Variants in SLC8B1 observed in about 807,000 individuals in gnomAD.
SLC8B1 encodes mitochondrial sodium/calcium exchanger protein.
A neutral mutation model predicts 63.4 loss-of-function variants in SLC8B1; 52 were observed. The ratio of observed to expected loss-of-function variants is 0.82; its 90% CI spans 0.66 to 1.03. SLC8B1 has a LOEUF of 1.03. SLC8B1 is among the 50% of genes least tolerant of loss of function. The pLI is 0.00. For missense variants in SLC8B1, 657 were observed against 741.7 expected (o/e 0.89, Z 1.33); for synonymous variants, 336 against 323.9 (o/e 1.04, Z -0.40).
chr12:113,316,642 G>A lies in SLC8B1; in HGVS notation c.877C>T (p.Pro293Ser). 2 of 1,613,724 alleles carry A rather than the reference G, an allele frequency of 1.2e-6. No homozygotes were observed. Among genetic ancestry groups the A allele is most frequent in the South Asian group, 1.1e-5 (1 of 91,048 alleles). ...NSYDYGDEYRPLFFYQETTAQ... is the reference protein window; with the variant it reads ...NSYDYGDEYRSLFFYQETTAQ... ...GTGGTCTCCTGGTAGAAGAACAGCG[G>A]CCGGTACTCATCACCTGTGTGCAGG... Residue 293 changes from proline (P) to serine (S), a missense_variant, in exon 10 of 16, where the codon CCG becomes TCG. Pro to Ser is a moderately conservative substitution (Grantham distance 74). Coordinates refer to ENST00000680972, the MANE Select transcript of SLC8B1 (RefSeq NM_001358345.2).
chr12:113,311,546 G>A (rs957411942), intron 11 of SLC8B1, among the ~76,000 whole-genome samples: 1 of 151,894 alleles, frequency 6.6e-6, no homozygotes, highest in Non-Finnish European at 1.5e-5. Flanking sequence ...CTTGAGTCCC[G>A]GGAGGTGGCG....
Position 113,321,079 on chromosome 12 carries a change from A to G in SLC8B1, c.339T>C (p.Ile113=). ...ACAACTTGGCTGCGGTGACTCCCAG[A>G]ATCAGAAACAGGTAGAGCAGCCAGG... ...YVSWLLYLFL[I]LGVTAAKFFC... The change falls in exon 4 of 16, where the codon ATT becomes ATC. Residue 113 remains isoleucine, a synonymous_variant. Transcript: ENST00000680972. The G allele has an allele frequency of 6.2e-7, 1 of 1,613,818 alleles. No homozygotes were observed. The highest frequency in any genetic ancestry group is 8.5e-7 in the Non-Finnish European group (1 of 1,179,882).
In SLC8B1 at chr12:113,320,504, GGGA is replaced by G; in HGVS notation, c.527-9_527-7del. The G allele has an allele frequency of 6.2e-7, 1 of 1,614,022 alleles. No homozygotes were observed. The highest frequency in any genetic ancestry group is 8.5e-7 in the Non-Finnish European group (1 of 1,180,008). On this transcript the variant is annotated splice_polypyrimidine_tract_variant and splice_region_variant and intron_variant, in intron 6 of 15. Coordinates refer to ENST00000680972, the MANE Select transcript of SLC8B1 (RefSeq NM_001358345.2). This position sits in a 1 kb window ranked among gnomAD's most constrained non-coding sequence, Gnocchi z 5.3. Reference sequence around the variant, plus strand: ...GGTAACCAGCACGCCAGCGCCTGGGGGGAGGAGGCCAGAGCTCAGCCACCCTGC... The same window carrying G: ...GGTAACCAGCACGCCAGCGCCTGGGGGGAGGCCAGAGCTCAGCCACCCTGC...
At chr12:113,319,162 C>A in intron 7 of SLC8B1, 91 bp from the exon 8 acceptor site, 1 of 973,020 alleles carries the variant, frequency 1.0e-6, no homozygotes, top group South Asian at 1.4e-5. Flanking sequence ...TGCGTGTTAG[C>A]GGTGGCAATC....
chr12:113,309,107 G>C (rs558895765), intron 12 of SLC8B1, among the ~76,000 whole-genome samples: 2 of 152,060 alleles, frequency 1.3e-5, no homozygotes, highest in Admixed American at 1.3e-4. Flanking sequence ...CACCCGTCTC[G>C]GCCTCTCAAA....
In SLC8B1 at chr12:113,307,110, C is replaced by CAAAA. The variant is rs67032040; in HGVS notation, c.1412-539_1412-536dup. Among the ~76,000 whole-genome samples, 92 of 18,210 alleles carry CAAAA rather than the reference C, an allele frequency of 5.1e-3. 30 individuals are homozygous for CAAAA. Among genetic ancestry groups the CAAAA allele is most frequent in the East Asian group, 0.019 (7 of 364 alleles). The allele number at this position is 18,210 out of a possible 152,430, so 11.9% of individuals were successfully genotyped here. The stretch of plus-strand genomic sequence containing the variant: ...TGGGCGACAGAGCAAGCCTCCATCT[C>CAAAA]AAAAAAAAAAAAAAAAAAAAAAAAA... On this transcript the variant is annotated intron_variant, in intron 13 of 15. Transcript: ENST00000680972.
In SLC8B1 at chr12:113,299,542, T is replaced by C; in HGVS notation, c.*235A>G. The C allele has an allele frequency of 1.9e-6, 1 of 533,174 alleles. No homozygotes were observed. The highest frequency in any genetic ancestry group is 3.4e-6 in the Non-Finnish European group (1 of 295,288). The allele number at this position is 533,174 out of a possible 1,614,324, so 33.0% of individuals were successfully genotyped here. A position where few individuals can be genotyped will look rare whatever the true frequency, so the allele number is the denominator to read the frequency against. ...CTTCTAGCTTCTCTCTGGAACCCTT[T>C]GTCCAGAGCAAAGCCAGGTTTCCAA... On this transcript the variant is annotated 3_prime_UTR_variant, in exon 16 of 16. Transcript: ENST00000680972.
chr12:113,318,061 G>A (rs1417036268), intron 8 of SLC8B1, among the ~76,000 whole-genome samples: 1 of 151,966 alleles, frequency 6.6e-6, no homozygotes, highest in African/African-American at 2.4e-5. Flanking sequence ...TGTATGTGTT[G>A]CATGTGTGCA....
chr12:113,331,554 C>T, intron 2 of SLC8B1, among the ~76,000 whole-genome samples: 1 of 152,104 alleles, frequency 6.6e-6, no homozygotes, highest in East Asian at 1.9e-4. Context: ...ATCTTTCTCC[C>T]ATGCTGGATG....
Position 113,316,628 on chromosome 12 carries a change from G to A in SLC8B1, c.891C>T (p.Tyr297=), listed in dbSNP as rs770619577. The A allele has an allele frequency of 6.2e-7, 1 of 1,614,040 alleles. No homozygotes were observed. The highest frequency in any genetic ancestry group is 1.7e-5 in the Admixed American group (1 of 60,030). The change falls in exon 10 of 16, where the codon TAC becomes TAT. Residue 297 remains tyrosine (Y), a synonymous_variant. Transcript: ENST00000680972. ...CCAGGATCTGAGCCGTGGTCTCCTG[G>A]TAGAAGAACAGCGGCCGGTACTCAT... is the stretch of plus-strand genomic sequence containing the variant. ...YGDEYRPLFF[Y]QETTAQILVR... is the part of the protein sequence containing the mutation.
chr12:113,310,459 T>G, intron 11 of SLC8B1, 104 bp from the exon 12 acceptor site: 1 of 1,418,388 alleles, frequency 7.1e-7, no homozygotes, highest in Non-Finnish European at 9.3e-7. Flanking sequence ...TGCCCAGCCC[T>G]GTCCTAGACA....
At chr12:113,333,921 C>T (rs954248695) in intron 1 of SLC8B1, among the ~76,000 whole-genome samples, 1 of 152,198 alleles carries the variant, frequency 6.6e-6, no homozygotes, top group African/African-American at 2.4e-5. Flanking sequence ...GTTGGCCAGG[C>T]TGGTCTGGAA....
chr12:113,328,835 T>A (rs1289712743), intron 2 of SLC8B1, among the ~76,000 whole-genome samples: 2 of 149,982 alleles, frequency 1.3e-5, no homozygotes, highest in Admixed American at 1.3e-4. Context: ...CACTGCAACC[T>A]CCATCTCATG....
intron 2 of SLC8B1, among the ~76,000 whole-genome samples, chr12:113,324,402 C>CTTTT (rs780610962): frequency 3.8e-5 from 5 of 130,822 alleles, no homozygotes; most frequent in Non-Finnish European, 6.4e-5. Context: ...TCAGCTCTAC[C>CTTTT]TTTTTTTTTT....
chr12:113,306,704 C>T (rs748592135), intron 13 of SLC8B1, 129 bp from the exon 14 acceptor site: 11 of 737,400 alleles, frequency 1.5e-5, no homozygotes, highest in South Asian at 1.3e-4. Flanking sequence ...TGTGCCTGGG[C>T]ACTAGCTGGT....
chr12:113,300,758 CCT>C (rs1389697515), intron 15 of SLC8B1, among the ~76,000 whole-genome samples: 2 of 152,174 alleles, frequency 1.3e-5, no homozygotes, highest in Non-Finnish European at 2.9e-5. Flanking sequence ...ATTATAATTC[CCT>C]CTGTTTTTAA....
In SLC8B1 at chr12:113,306,423, T is replaced by A; in HGVS notation, c.1492+72A>T. 5.6e-6 allele frequency: 7 copies of A among 1,239,862 alleles called. No individual in the cohort carries two copies. The South Asian group carries it at 5.9e-5, about 10-fold the overall frequency. 76.8% of individuals were successfully genotyped at this position (1,239,862 alleles called of 1,614,324 possible). On this transcript the variant is annotated intron_variant, in intron 14 of 15. Transcript: ENST00000680972. ...TTACACCGAGAACCAATCCCCAGGG[T>A]GGGGCATGGAGCACACCCCACCCAC...
rs770815811 is a variant in SLC8B1, at chr12:113,320,721, A to G, written c.421-35T>C. ...GCATGTCAAGGCGGGCCAGGATCGC[A>G]GCTGCAGCCCACCCAGGCCTTCGAC... is the stretch of plus-strand genomic sequence containing the variant. On this transcript the variant is annotated intron_variant, in intron 5 of 15. Coordinates refer to ENST00000680972, the MANE Select transcript of SLC8B1 (RefSeq NM_001358345.2). This position sits in a 1 kb window ranked among gnomAD's most constrained non-coding sequence, Gnocchi z 5.3. 21 of 1,602,520 alleles carry G rather than the reference A, an allele frequency of 1.3e-5. No homozygotes were observed. The highest frequency in any genetic ancestry group is 1.6e-4 in the Middle Eastern group (1 of 6,062).
At chr12:113,306,767 AT>A in intron 13 of SLC8B1, 192 bp from the exon 14 acceptor site, 1 of 576,360 alleles carries the variant, frequency 1.7e-6, no homozygotes, top group Non-Finnish European at 3.1e-6. Context: ...TCCCTCCTTA[AT>A]TCCTTTACCC....
Sources: gnomAD v4.1 joint callset for allele counts (sites outside exome capture counted in the v4.1 genomes callset) on GRCh38, gnomAD v4.1.1 for gene constraint, Gnocchi (gnomAD v3.1) non-coding constraint, MANE v1.5 for transcripts, NCBI Gene and HGNC (gene_info 2026-07-23, HGNC 2026-07-21) for gene names.